Variants in ANO3 observed in about 807,000 individuals in gnomAD.
The protein encoded by ANO3 is anoctamin-3.
ANO3 carries 99 observed loss-of-function variants against 144.8 expected under a neutral mutation model. The ratio of observed to expected loss-of-function variants is 0.68; its 90% CI spans 0.58 to 0.81. The LOEUF (loss-of-function observed/expected upper bound fraction) is 0.81. ANO3 is among the 30% of genes least tolerant of loss of function. ANO3 has a pLI of 0.00. For synonymous variants in ANO3, 414 were observed against 392.6 expected, an observed-to-expected ratio of 1.05 and a Z score of -0.64; for missense variants, 905 against 1,202.2, an observed-to-expected ratio of 0.75 and a Z score of 3.66.
At chr11:26,447,082 CTG>C (rs1449957612) in intron 3 of ANO3, among the ~76,000 whole-genome samples, 1 of 151,742 alleles carries the variant, frequency 6.6e-6, no homozygotes, top group African/African-American at 2.4e-5. Context: ...GGTGGCACGA[CTG>C]TAGTCCCAGC....
intron 12 of ANO3, among the ~76,000 whole-genome samples, chr11:26,549,211 A>G (rs1035814605): frequency 1.3e-5 from 2 of 152,038 alleles, no homozygotes; most frequent in South Asian, 4.1e-4. Context: ...AACCTTTGGT[A>G]CAAGGAGTGT....
chr11:26,532,995 A>G (rs1197953786), intron 8 of ANO3, among the ~76,000 whole-genome samples: 2 of 152,222 alleles, frequency 1.3e-5, no homozygotes, highest in Non-Finnish European at 2.9e-5. Flanking sequence ...AATCAATTTA[A>G]TGGGGAAAGA....
intron 1 of ANO3, among the ~76,000 whole-genome samples, chr11:26,434,056 G>A (rs1471908143): frequency 1.3e-5 from 2 of 151,940 alleles, no homozygotes; most frequent in African/African-American, 4.8e-5. Flanking sequence ...GGTGATTATT[G>A]ATTCAATTTT....
chr11:26,642,820 C>T (rs1417804963), intron 22 of ANO3, among the ~76,000 whole-genome samples: 1 of 128,082 alleles, frequency 7.8e-6, no homozygotes, highest in African/African-American at 2.6e-5. Flanking sequence ...TTTCCTCCTC[C>T]TCCTCCATCT....
chr11:26,329,319 CACACACACAGAGAG>C (rs762597144), upstream of ANO3, among the ~76,000 whole-genome samples: 54 of 74,154 alleles, frequency 7.3e-4, 1 homozygote, highest in South Asian at 7.7e-3. Context: ...CACACACACA[CACACACACAGAGAG>C]AGAGAGAGAG....
intron 4 of ANO3, among the ~76,000 whole-genome samples, chr11:26,493,032 T>G (rs768121967): frequency 3.3e-5 from 5 of 152,196 alleles, no homozygotes; most frequent in Admixed American, 6.5e-5. Flanking sequence ...TAATAAATAT[T>G]TTCTTGTTCA....
intron 24 of ANO3, among the ~76,000 whole-genome samples, chr11:26,648,824 G>C (rs917559809): frequency 2.0e-5 from 3 of 152,134 alleles, no homozygotes; most frequent in African/African-American, 7.2e-5. Flanking sequence ...GAGTAGCTTT[G>C]GGTGTGCAGC....
intron 1 of ANO3, among the ~76,000 whole-genome samples, chr11:26,368,180 G>C (rs1856146648): frequency 6.6e-6 from 1 of 152,150 alleles, no homozygotes; most frequent in Admixed American, 6.5e-5. Context: ...AATTCCACCT[G>C]AGTGAGCAAC....
intron 1 of ANO3, among the ~76,000 whole-genome samples, chr11:26,391,144 T>G (rs72884546): frequency 0.028 from 4,248 of 152,164 alleles, 81 homozygotes; most frequent in Non-Finnish European, 0.044. Context: ...TTCTGAAGAC[T>G]AGGAAGTCCA....
intron 1 of ANO3, among the ~76,000 whole-genome samples, chr11:26,380,460 G>T (rs980841252): frequency 6.6e-6 from 1 of 152,148 alleles, no homozygotes; most frequent in South Asian, 2.1e-4. Flanking sequence ...AGGCTGGGAA[G>T]TCCAAGATCA....
intron 7 of ANO3, among the ~76,000 whole-genome samples, chr11:26,528,707 C>A (rs1007977008): frequency 2.6e-5 from 4 of 152,020 alleles, no homozygotes; most frequent in Non-Finnish European, 5.9e-5. Context: ...ATTTCAGTGA[C>A]CAGCAAATTC....
chr11:26,525,570 G>A (rs1407292260), intron 6 of ANO3, 65 bp from the exon 7 acceptor site: 5 of 1,280,808 alleles, frequency 3.9e-6, no homozygotes, highest in African/African-American at 1.5e-5. Context: ...ATTGAATGTT[G>A]TCACTCACTC....
At chr11:26,240,828 T>C (rs1050099735) in intron 1 of ANO3, among the ~76,000 whole-genome samples, 2 of 152,210 alleles carry the variant, frequency 1.3e-5, no homozygotes, top group Non-Finnish European at 2.9e-5. Flanking sequence ...ATATTCTGTA[T>C]GATATTCCTC....
At chr11:26,206,495 A>T (rs982766423) in intron 1 of ANO3, among the ~76,000 whole-genome samples, 6 of 152,144 alleles carry the variant, frequency 3.9e-5, no homozygotes, top group Admixed American at 2.6e-4. Flanking sequence ...TTCTATTTTA[A>T]TAAGAACTAA....
chr11:26,329,516 A>G (rs1263590658), upstream of ANO3, among the ~76,000 whole-genome samples: 1 of 152,128 alleles, frequency 6.6e-6, no homozygotes, highest in Non-Finnish European at 1.5e-5. Flanking sequence ...CCAACCTAAA[A>G]TGTTTCTAAT....
chr11:26,650,849 T>C (rs1384136834), intron 24 of ANO3, among the ~76,000 whole-genome samples: 1 of 152,194 alleles, frequency 6.6e-6, no homozygotes, highest in Non-Finnish European at 1.5e-5. Context: ...GCAAACTTTT[T>C]TCCAACATGA....
intron 4 of ANO3, among the ~76,000 whole-genome samples, chr11:26,494,595 A>T (rs1860850854): frequency 1.3e-5 from 2 of 152,222 alleles, no homozygotes; most frequent in South Asian, 4.1e-4. Flanking sequence ...ATTTTTCTTA[A>T]AAATTCACAT....
chr11:26,576,725 T>TAGTCCCATACTAGAAA (rs1850996619), intron 14 of ANO3, among the ~76,000 whole-genome samples: 1 of 152,216 alleles, frequency 6.6e-6, no homozygotes, highest in East Asian at 1.9e-4. Flanking sequence ...ATTTCTTATC[T>TAGTCCCATACTAGAAA]AGTCCCATAC....
chr11:26,213,673 A>T (rs1851980073), intron 1 of ANO3, among the ~76,000 whole-genome samples: 1 of 152,152 alleles, frequency 6.6e-6, no homozygotes. Context: ...GGATAGGAAG[A>T]ACCAATATCA....
Sources: gnomAD v4.1 joint callset for allele counts (sites outside exome capture counted in the v4.1 genomes callset) on GRCh38, gnomAD v4.1.1 for gene constraint, MANE v1.5 for transcripts, NCBI Gene and HGNC (gene_info 2026-07-23, HGNC 2026-07-21) for gene names.